The following TRAPPC9 variants were observed in gnomAD, a reference collection of about 807,000 sequenced individuals.
The protein encoded by TRAPPC9 is trafficking protein particle complex subunit 9, also known as IKK2 binding protein.
In TRAPPC9, 83 loss-of-function variants were observed where a neutral mutation model predicts 124.0. The ratio of observed to expected loss-of-function variants is 0.67; its 90% CI spans 0.56 to 0.80. The LOEUF is 0.80. TRAPPC9 is among the 30% of genes least tolerant of loss of function. TRAPPC9 has a pLI of 0.00. For missense variants in TRAPPC9, 1,302 were observed against 1,508.3 expected, an observed-to-expected ratio of 0.86 and a Z score of 2.27; for synonymous variants, 638 against 617.5, an observed-to-expected ratio of 1.03 and a Z score of -0.49.
intron 17 of TRAPPC9, among the ~76,000 whole-genome samples, chr8:140,077,306 A>G (rs1843566496): frequency 6.6e-6 from 1 of 152,262 alleles, no homozygotes; most frequent in African/African-American, 2.4e-5. Flanking sequence ...AACAGAAGAT[A>G]ATAAATAATG....
At position 140,451,066 on chromosome 8, in the gene TRAPPC9, T is replaced by C. The variant is rs2071440422; in HGVS notation, c.308A>G (p.Lys103Arg). The part of the protein sequence containing the change: ...PQTFEKFHVQ[K>R]EIYGSTLYDS... Reference sequence around the variant, plus strand: ...ATACAGTGTGGAGCCGTAGATCTCCTTCTGCACGTGGAACTTCTCAAAGGT... The same window carrying C: ...ATACAGTGTGGAGCCGTAGATCTCCCTCTGCACGTGGAACTTCTCAAAGGT... The change falls in exon 2 of 23, where the codon AAG becomes AGG. Residue 103 changes from lysine (K) to arginine (R), a missense_variant. By Grantham distance (26) the Lys-to-Arg change is conservative. Coordinates refer to ENST00000438773, the MANE Select transcript of TRAPPC9 (RefSeq NM_001160372.4). The C allele has an allele frequency of 1.2e-6, 2 of 1,613,934 alleles. No individual in the cohort carries two copies. The highest frequency in any genetic ancestry group is 3.3e-5 in the Admixed American group (2 of 59,990).
chr8:140,049,559 C>G (rs1427794631), intron 17 of TRAPPC9, among the ~76,000 whole-genome samples: 6 of 151,248 alleles, frequency 4.0e-5, no homozygotes, highest in Non-Finnish European at 8.8e-5. Context: ...CCCCCCGAGA[C>G]CACCAAATTA....
chr8:140,319,553 A>G (rs1177738677), intron 9 of TRAPPC9, among the ~76,000 whole-genome samples: 1 of 149,480 alleles, frequency 6.7e-6, no homozygotes, highest in Non-Finnish European at 1.5e-5. Flanking sequence ...TGCAACCTCC[A>G]CCTCCCAGGC....
At chr8:139,880,504 A>C (rs1024038294) in intron 21 of TRAPPC9, among the ~76,000 whole-genome samples, 1 of 152,128 alleles carries the variant, frequency 6.6e-6, no homozygotes, top group African/African-American at 2.4e-5. Flanking sequence ...GACTTGACCC[A>C]ACCCAGACCC....
chr8:139,876,231 C>T (rs1368396119), intron 21 of TRAPPC9, among the ~76,000 whole-genome samples: 1 of 152,252 alleles, frequency 6.6e-6, no homozygotes, highest in African/African-American at 2.4e-5. Context: ...GCCTCAGAGG[C>T]ACCAGGCAGA....
At chr8:140,299,701 T>C (rs1180138221) in intron 11 of TRAPPC9, among the ~76,000 whole-genome samples, 1 of 152,168 alleles carries the variant, frequency 6.6e-6, no homozygotes, top group African/African-American at 2.4e-5. Flanking sequence ...GATGGGGAGC[T>C]TGGCACTACA....
intron 9 of TRAPPC9, among the ~76,000 whole-genome samples, chr8:140,314,865 C>T (rs1036726960): frequency 4.6e-5 from 7 of 152,222 alleles, no homozygotes; most frequent in Non-Finnish European, 7.3e-5. Flanking sequence ...AGGTTGATTC[C>T]GTATCTTGGC....
intron 17 of TRAPPC9, among the ~76,000 whole-genome samples, chr8:140,106,658 G>A (rs953315738): frequency 2.0e-5 from 3 of 152,178 alleles, no homozygotes; most frequent in African/African-American, 7.2e-5. Context: ...CAGACTGCAA[G>A]TCTTTTACTG....
chr8:139,940,554 C>T (rs554670225), intron 19 of TRAPPC9, among the ~76,000 whole-genome samples: 4 of 152,336 alleles, frequency 2.6e-5, no homozygotes, highest in Admixed American at 2.0e-4. Flanking sequence ...ACGTGGAGAG[C>T]GGCAGCCCCA....
intron 19 of TRAPPC9, among the ~76,000 whole-genome samples, chr8:139,941,215 G>A (rs1222426073): frequency 2.0e-5 from 3 of 152,248 alleles, no homozygotes; most frequent in African/African-American, 7.2e-5. Context: ...TTCACAGGAG[G>A]CTGCCAGGTG....
intron 17 of TRAPPC9, among the ~76,000 whole-genome samples, chr8:140,170,585 T>C (rs2061948231): frequency 6.6e-6 from 1 of 152,100 alleles, no homozygotes. Context: ...CCCACTCTGG[T>C]CTATAACAGA....
At chr8:140,124,565 GC>G (rs1161478476) in intron 17 of TRAPPC9, among the ~76,000 whole-genome samples, 1 of 109,870 alleles carries the variant, frequency 9.1e-6, no homozygotes, top group Non-Finnish European at 1.9e-5. Context: ...ACATCTTTGG[GC>G]GGGGGGGCAT....
chr8:139,801,264 G>A (rs1340404995), intron 21 of TRAPPC9, among the ~76,000 whole-genome samples: 1 of 152,240 alleles, frequency 6.6e-6, no homozygotes, highest in East Asian at 1.9e-4. Context: ...TGGCCTCCCT[G>A]CTTAGATGCA....
chr8:140,435,363 G>A, intron 3 of TRAPPC9, 123 bp from the exon 4 acceptor site: 1 of 1,346,484 alleles, frequency 7.4e-7, no homozygotes, highest in South Asian at 1.3e-5. Flanking sequence ...TTAAACAGGT[G>A]GATTATTTGG....
intron 17 of TRAPPC9, among the ~76,000 whole-genome samples, chr8:140,195,761 C>T (rs1435423138): frequency 2.0e-5 from 3 of 151,404 alleles, no homozygotes; most frequent in Non-Finnish European, 2.9e-5. Flanking sequence ...CTGTACAGCT[C>T]GCACCTGTGA....
intron 20 of TRAPPC9, among the ~76,000 whole-genome samples, chr8:139,893,181 T>TG (rs1830454342): frequency 6.6e-6 from 1 of 152,224 alleles, no homozygotes. Context: ...GCCTCTCCTG[T>TG]GGAGCTTCAG....
At chr8:139,973,352 T>C (rs925737131) in intron 19 of TRAPPC9, among the ~76,000 whole-genome samples, 42 of 152,136 alleles carry the variant, frequency 2.8e-4, no homozygotes, top group African/African-American at 1.0e-3. Flanking sequence ...CCCTGCAAGA[T>C]CTGTGATCAC....
intron 17 of TRAPPC9, among the ~76,000 whole-genome samples, chr8:140,046,493 T>A (rs953362449): frequency 4.6e-5 from 7 of 152,218 alleles, no homozygotes; most frequent in Non-Finnish European, 8.8e-5. Flanking sequence ...TCTGTCACGC[T>A]GGCTAGAAGG....
chr8:139,914,875 G>A (rs1450248247), intron 19 of TRAPPC9: 1 of 152,266 alleles, frequency 6.6e-6, no homozygotes, highest in Non-Finnish European at 1.5e-5. Flanking sequence ...CTCGTCCTGG[G>A]TTTAAGCTTA....
Sources: gnomAD v4.1 joint callset for allele counts (sites outside exome capture counted in the v4.1 genomes callset) on GRCh38, gnomAD v4.1.1 for gene constraint, MANE v1.5 for transcripts, NCBI Gene and HGNC (gene_info 2026-07-23, HGNC 2026-07-21) for gene names.